The following C3orf70 variants were observed in gnomAD, a reference collection of about 807,000 sequenced individuals.
C3orf70 encodes UPF0524 protein C3orf70.
C3orf70 carries 15 observed loss-of-function variants against 20.7 expected under a neutral mutation model. That is an observed-to-expected ratio of 0.72 (90% confidence interval 0.48 to 1.11). C3orf70 has a LOEUF of 1.11. C3orf70 is among the 50% of genes most tolerant of loss of function. The pLI, the probability that C3orf70 is intolerant of heterozygous loss-of-function variation, is 0.00. For synonymous variants in C3orf70, 161 were observed against 125.7 expected (o/e 1.28, Z -1.88); for missense variants, 332 against 317.6 (o/e 1.05, Z -0.34).
rs1715372986 is a variant in C3orf70, at chr3:185,082,841, G to T, written c.*166C>A. 2 of 659,744 alleles carry T rather than the reference G, an allele frequency of 3.0e-6. No homozygotes were observed. The highest frequency in any genetic ancestry group is 5.3e-6 in the Non-Finnish European group (2 of 377,560). 40.9% of individuals were successfully genotyped at this position (659,744 alleles called of 1,614,324 possible). A position where few individuals can be genotyped will look rare whatever the true frequency, so the allele number is the denominator to read the frequency against. ...TTATAATAAAAAGAATGTCTTAGTT[G>T]TAAGACGGAGAGAAGCTAATCAGCA... On this transcript the variant is annotated 3_prime_UTR_variant, in exon 2 of 2. Coordinates refer to ENST00000335012, the MANE Select transcript of C3orf70 (RefSeq NM_001025266.3).
chr3:185,143,990 AC>A (rs1716806766), intron 1 of C3orf70, among the ~76,000 whole-genome samples: 2 of 149,240 alleles, frequency 1.3e-5, no homozygotes, highest in Admixed American at 6.6e-5. Context: ...AAACACACAC[AC>A]ACACACACAC....
chr3:185,123,496 AT>A (rs1378757089), intron 1 of C3orf70, among the ~76,000 whole-genome samples: 1 of 146,886 alleles, frequency 6.8e-6, no homozygotes, highest in African/African-American at 2.5e-5. Context: ...TTTTTGATAT[AT>A]TTTTCTTTCC....
intron 1 of C3orf70, among the ~76,000 whole-genome samples, chr3:185,088,468 G>A (rs1715501977): frequency 6.6e-6 from 1 of 152,042 alleles, no homozygotes; most frequent in Non-Finnish European, 1.5e-5. Flanking sequence ...CCATTGGGGG[G>A]AACTAGGCAA....
At chr3:185,137,269 C>T (rs764378480) in intron 1 of C3orf70, among the ~76,000 whole-genome samples, 8 of 152,318 alleles carry the variant, frequency 5.3e-5, no homozygotes, top group Admixed American at 1.3e-4. Flanking sequence ...GCTTCCCAGC[C>T]ACATGGAACT....
Position 185,082,589 on chromosome 3 carries a change from G to A in C3orf70, c.*418C>T, listed in dbSNP as rs542843390. 7.8e-5 allele frequency: 15 copies of A among 193,482 alleles called. No individual in the cohort carries two copies. Among genetic ancestry groups the A allele is most frequent in the Admixed American group, 4.9e-4 (9 of 18,480 alleles). The allele number at this position is 193,482 out of a possible 1,614,324, so 12.0% of individuals were successfully genotyped here. A position where few individuals can be genotyped will look rare whatever the true frequency, so the allele number is the denominator to read the frequency against. On this transcript the variant is annotated 3_prime_UTR_variant, in exon 2 of 2. Coordinates refer to ENST00000335012, the MANE Select transcript of C3orf70 (RefSeq NM_001025266.3). ...TTGCGTAGGACAAGCAGGACAGGACGGGAGTGCCTGTGAACATGCCAAAGG... is the reference window on the plus strand; with the variant it reads ...TTGCGTAGGACAAGCAGGACAGGACAGGAGTGCCTGTGAACATGCCAAAGG...
At position 185,144,106 on chromosome 3, in the gene C3orf70, T is replaced by C. The variant is rs140975065; in HGVS notation, c.196+8522A>G. 3.3e-3 allele frequency among the ~76,000 whole-genome samples: 501 copies of C among 152,288 alleles called. 2 individuals carry two copies. The highest frequency in any genetic ancestry group is 6.7e-3 in the Admixed American group (102 of 15,294). The stretch of plus-strand genomic sequence containing the variant: ...TATTCAAAACATGTATTTTTATTCT[T>C]TGTTGTTTTTCAGTGTTTAATTGAA... On this transcript the variant is annotated intron_variant, in intron 1 of 1. Coordinates refer to ENST00000335012, the MANE Select transcript of C3orf70 (RefSeq NM_001025266.3).
chr3:185,128,448 A>C (rs1716457540), intron 1 of C3orf70, among the ~76,000 whole-genome samples: 1 of 152,008 alleles, frequency 6.6e-6, no homozygotes, highest in East Asian at 1.9e-4. Flanking sequence ...GAATCGCCTG[A>C]ACCCCAGAAG....
At chr3:185,125,201 G>A (rs1391258054) in intron 1 of C3orf70, among the ~76,000 whole-genome samples, 1 of 152,110 alleles carries the variant, frequency 6.6e-6, no homozygotes, top group Non-Finnish European at 1.5e-5. Flanking sequence ...CCAACATGGA[G>A]AAAACCTGTC....
At chr3:185,133,285 G>A (rs1278755984) in intron 1 of C3orf70, among the ~76,000 whole-genome samples, 2 of 152,166 alleles carry the variant, frequency 1.3e-5, no homozygotes, top group Non-Finnish European at 2.9e-5. Context: ...AACTACAGAT[G>A]TATTTATTAT....
At chr3:185,123,567 T>C (rs1046222457) in intron 1 of C3orf70, among the ~76,000 whole-genome samples, 2 of 151,648 alleles carry the variant, frequency 1.3e-5, no homozygotes, top group African/African-American at 4.8e-5. Flanking sequence ...CTTGAACTCC[T>C]AGGCTCAAGC....
chr3:185,090,989 C>T (rs1715557613), intron 1 of C3orf70, among the ~76,000 whole-genome samples: 1 of 152,062 alleles, frequency 6.6e-6, no homozygotes, highest in Non-Finnish European at 1.5e-5. Context: ...GACAGACCAC[C>T]AGACGCATGG....
chr3:185,103,054 G>A (rs1166632134), intron 1 of C3orf70, among the ~76,000 whole-genome samples: 2 of 152,138 alleles, frequency 1.3e-5, no homozygotes, highest in African/African-American at 4.8e-5. Flanking sequence ...AGACCAGCCT[G>A]GCCAACATGG....
chr3:185,123,963 T>A (rs1422426380), intron 1 of C3orf70, among the ~76,000 whole-genome samples: 1 of 152,240 alleles, frequency 6.6e-6, no homozygotes, highest in Admixed American at 6.5e-5. Flanking sequence ...GACAGGCTCC[T>A]GATTCAACAA....
chr3:185,097,915 C>G (rs1431762154), intron 1 of C3orf70, among the ~76,000 whole-genome samples: 1 of 152,214 alleles, frequency 6.6e-6, no homozygotes, highest in African/African-American at 2.4e-5. Flanking sequence ...CTTACAATTA[C>G]AGCAGATAAC....
intron 1 of C3orf70, among the ~76,000 whole-genome samples, chr3:185,133,537 GT>G (rs1716563502): frequency 6.6e-6 from 1 of 152,102 alleles, no homozygotes; most frequent in Non-Finnish European, 1.5e-5. Flanking sequence ...GAGGTCAGGA[GT>G]TTGAGACCAG....
In C3orf70 at chr3:185,152,954, C is replaced by G; in HGVS notation, c.-131G>C. 8.7e-6 allele frequency: 7 copies of G among 802,740 alleles called. No homozygotes were observed. The highest frequency in any genetic ancestry group is 1.2e-5 in the Non-Finnish European group (7 of 599,032). 49.7% of individuals were successfully genotyped at this position (802,740 alleles called of 1,614,324 possible). A position where few individuals can be genotyped will look rare whatever the true frequency, so the allele number is the denominator to read the frequency against. The stretch of plus-strand genomic sequence containing the variant: ...CGGGAGTCACGCCAGCACGCGGCGG[C>G]GGCGGGAGCGCGGCGGTCCCAGGCT... On this transcript the variant is annotated 5_prime_UTR_variant, in exon 1 of 2. Coordinates refer to ENST00000335012, the MANE Select transcript of C3orf70 (RefSeq NM_001025266.3).
intron 1 of C3orf70, among the ~76,000 whole-genome samples, chr3:185,086,951 G>T (rs1205484052): frequency 1.3e-5 from 2 of 152,132 alleles, no homozygotes; most frequent in African/African-American, 4.8e-5. Flanking sequence ...GCTGTGAAGG[G>T]TTAGTGCTTT....
Position 185,140,526 on chromosome 3 carries a change from T to C in C3orf70, c.196+12102A>G, listed in dbSNP as rs114702457. 2.5e-3 allele frequency among the ~76,000 whole-genome samples: 384 copies of C among 152,196 alleles called. 1 individual carries two copies. The highest frequency in any genetic ancestry group is 9.1e-3 in the African/African-American group (376 of 41,544). On this transcript the variant is annotated intron_variant, in intron 1 of 1. Coordinates refer to ENST00000335012, the MANE Select transcript of C3orf70 (RefSeq NM_001025266.3). ...CAATACACACCTGTTGTGGGCTGCATGTTTGTCCCCCAAAATTCATACGTT... is the reference window on the plus strand; with the variant it reads ...CAATACACACCTGTTGTGGGCTGCACGTTTGTCCCCCAAAATTCATACGTT...
intron 1 of C3orf70, among the ~76,000 whole-genome samples, chr3:185,131,113 C>G (rs1238509867): frequency 6.6e-6 from 1 of 152,194 alleles, no homozygotes; most frequent in African/African-American, 2.4e-5. Context: ...CACATCCTCA[C>G]CAACACTTAT....
Sources: gnomAD v4.1 joint callset for allele counts (sites outside exome capture counted in the v4.1 genomes callset) on GRCh38, gnomAD v4.1.1 for gene constraint, MANE v1.5 for transcripts, NCBI Gene and HGNC (gene_info 2026-07-23, HGNC 2026-07-21) for gene names.